The following USH2A variants were observed in gnomAD, a reference collection of about 807,000 sequenced individuals.
The protein encoded by USH2A is Usher syndrome 2A (autosomal recessive, mild).
A neutral mutation model predicts 538.9 loss-of-function variants in USH2A; 443 were observed. The ratio of observed to expected loss-of-function variants is 0.82; its 90% CI spans 0.76 to 0.89. The LOEUF (loss-of-function observed/expected upper bound fraction) is 0.89. USH2A is among the 40% of genes least tolerant of loss of function. The pLI is 0.00. For missense variants in USH2A, 6,633 were observed against 6,324.8 expected (o/e 1.05, Z -1.65); for synonymous variants, 2,413 against 2,273.5 (o/e 1.06, Z -1.75).
At chr1:215,819,702 C>G (rs1423929342) in intron 47 of USH2A, among the ~76,000 whole-genome samples, 2 of 151,672 alleles carry the variant, frequency 1.3e-5, no homozygotes, top group African/African-American at 4.8e-5. Context: ...TAGAAAATAC[C>G]ACGTAGAGCA....
chr1:216,289,169 A>G, intron 11 of USH2A, 111 bp downstream of exon 11: 9 of 1,504,806 alleles, frequency 6.0e-6, no homozygotes, highest in Admixed American at 1.7e-5. Flanking sequence ...GCAAATGCAC[A>G]TAGAGGATTT....
chr1:215,748,721 A>C (rs1660549033), intron 58 of USH2A, among the ~76,000 whole-genome samples: 1 of 152,212 alleles, frequency 6.6e-6, no homozygotes, highest in African/African-American at 2.4e-5. Context: ...CCAAGCGACC[A>C]CTGGCAAATT....
rs2102656185 is a variant in USH2A, at chr1:216,325,539, A to C, written c.909T>G (p.Arg303=). The C allele has an allele frequency of 6.2e-7, 1 of 1,613,546 alleles. No homozygotes were observed. The highest frequency in any genetic ancestry group is 8.5e-7 in the Non-Finnish European group (1 of 1,179,732). ...GGACCCGCGGGTGGCTGCCAGGGCA[A>C]CGGCAATGTGATTGGGCATGCAATC... ...LLRLHAQSHC[R]CPGSHPRVHP... Residue 303 remains arginine (R), a synonymous_variant, in exon 6 of 72, where the codon CGT becomes CGG. Coordinates refer to ENST00000307340, the MANE Select transcript of USH2A (RefSeq NM_206933.4).
intron 21 of USH2A, among the ~76,000 whole-genome samples, chr1:216,156,969 G>C (rs1460800369): frequency 6.6e-6 from 1 of 151,820 alleles, no homozygotes; most frequent in East Asian, 1.9e-4. Context: ...TGCCTCCTGG[G>C]TTCAAGTGAT....
intron 14 of USH2A, among the ~76,000 whole-genome samples, chr1:216,225,876 A>T (rs1464116570): frequency 1.3e-5 from 2 of 152,178 alleles, no homozygotes; most frequent in African/African-American, 4.8e-5. Context: ...CGTAAAACTC[A>T]GAGAGACAGC....
At chr1:215,807,436 C>T (rs965963493) in intron 49 of USH2A, among the ~76,000 whole-genome samples, 5 of 152,128 alleles carry the variant, frequency 3.3e-5, no homozygotes, top group African/African-American at 9.6e-5. Flanking sequence ...TCATCTGTCA[C>T]GTTCTCCAGA....
chr1:215,631,428 T>TAATA (rs1042995411), intron 70 of USH2A, among the ~76,000 whole-genome samples: 1 of 152,234 alleles, frequency 6.6e-6, no homozygotes, highest in Non-Finnish European at 1.5e-5. Flanking sequence ...TTTGCTCTAC[T>TAATA]AATACAAATT....
intron 32 of USH2A, among the ~76,000 whole-genome samples, chr1:216,046,173 C>T (rs977933365): frequency 2.6e-5 from 4 of 151,894 alleles, no homozygotes; most frequent in Non-Finnish European, 5.9e-5. Flanking sequence ...TATCCACATC[C>T]TCCTGTATGC....
Position 216,179,796 on chromosome 1 carries a change from G to A in USH2A, c.4397-4314C>T, listed in dbSNP as rs116236297. Among the ~76,000 whole-genome samples the A allele has an allele frequency of 5.0e-3, 762 of 152,072 alleles. 2 individuals carry two copies. Among genetic ancestry groups the A allele is most frequent in the African/African-American group, 0.014 (583 of 41,514 alleles). ...AGATTGGGGTAATGATGAATTATTC[G>A]TCAGATTTTCAAGGAAAAGGAACTA... is the stretch of plus-strand genomic sequence containing the variant. On this transcript the variant is annotated intron_variant, in intron 20 of 71. Transcript: ENST00000307340.
At chr1:216,119,098 G>T (rs1296270539) in intron 21 of USH2A, among the ~76,000 whole-genome samples, 2 of 152,108 alleles carry the variant, frequency 1.3e-5, no homozygotes, top group Non-Finnish European at 1.5e-5. Context: ...AACACATTCT[G>T]TTCCATTTTA....
chr1:215,804,458 CA>C (rs1304337998), intron 49 of USH2A, among the ~76,000 whole-genome samples: 13 of 151,660 alleles, frequency 8.6e-5, no homozygotes, highest in Non-Finnish European at 1.3e-4. Flanking sequence ...ACAACCCCAT[CA>C]AAAAGTGGGT....
chr1:216,321,774 A>T, intron 9 of USH2A, 109 bp downstream of exon 9: 1 of 973,796 alleles, frequency 1.0e-6, no homozygotes, highest in Non-Finnish European at 1.6e-6. Context: ...AGTTCATATC[A>T]GTTTTTAAAT....
chr1:216,377,805 TAAAAAGAAAGAAAGAAAGAA>T (rs1188089402), intron 3 of USH2A, among the ~76,000 whole-genome samples: 9 of 9,078 alleles, frequency 9.9e-4, no homozygotes, highest in African/African-American at 2.5e-3. Flanking sequence ...AGGAAAGAAA[TAAAAAGAAAGAAAGAAAGAA>T]AGAAAGAAAG....
At chr1:216,141,403 C>T (rs917160592) in intron 21 of USH2A, among the ~76,000 whole-genome samples, 1 of 152,200 alleles carries the variant, frequency 6.6e-6, no homozygotes, top group African/African-American at 2.4e-5. Context: ...CAGAGGCTGA[C>T]ATTTTCCGTA....
intron 15 of USH2A, among the ~76,000 whole-genome samples, chr1:216,215,709 C>T (rs1037741985): frequency 6.6e-6 from 1 of 151,996 alleles, no homozygotes; most frequent in Non-Finnish European, 1.5e-5. Context: ...AGTTGAAGAA[C>T]TGTGCTCAGT....
intron 21 of USH2A, among the ~76,000 whole-genome samples, chr1:216,137,307 T>C (rs1415083490): frequency 1.3e-5 from 2 of 152,248 alleles, no homozygotes; most frequent in African/African-American, 4.8e-5. Context: ...AGAGATTTAA[T>C]TGGACTTACA....
At chr1:216,123,349 C>T in intron 21 of USH2A, among the ~76,000 whole-genome samples, 1 of 152,174 alleles carries the variant, frequency 6.6e-6, no homozygotes, top group East Asian at 1.9e-4. Context: ...GAAGCATTTG[C>T]TGATCAGGCA....
rs527236137 is a variant in USH2A at position 215,674,901 on chromosome 1, G to C, written c.13010C>G (p.Thr4337Arg). 2 of 1,614,190 alleles carry C rather than the reference G, an allele frequency of 1.2e-6. No homozygotes were observed. The highest frequency in any genetic ancestry group is 1.7e-5 in the Admixed American group (1 of 60,020). ...STYSYALQAC[T>R]SGGCSTSKPT... ...TTTGCTGGTGGAGCATCCTCCACTCGTGCAGGCTTGGAGTGCATAGCTATA... is the reference window on the plus strand; with the variant it reads ...TTTGCTGGTGGAGCATCCTCCACTCCTGCAGGCTTGGAGTGCATAGCTATA... The change falls in exon 63 of 72, where the codon ACG becomes AGG. Residue 4337 changes from threonine to arginine, a missense_variant. Thr to Arg is a moderately conservative substitution (Grantham distance 71). Coordinates refer to ENST00000307340, the MANE Select transcript of USH2A (RefSeq NM_206933.4).
At chr1:215,746,025 G>T (rs1286576139) in intron 58 of USH2A, among the ~76,000 whole-genome samples, 3 of 152,084 alleles carry the variant, frequency 2.0e-5, no homozygotes, top group African/African-American at 7.2e-5. Context: ...TATATTCAAA[G>T]ACAGGAACAA....
Sources: allele counts gnomAD v4.1 joint callset (sites outside exome capture counted in the v4.1 genomes callset), GRCh38; gene constraint gnomAD v4.1.1; transcripts MANE v1.5; gene names NCBI Gene and HGNC (gene_info 2026-07-23, HGNC 2026-07-21).